RASEF: variants seen among roughly 807,000 people sequenced by gnomAD.
The protein encoded by RASEF is RAS and EF-hand domain containing, also known as ras and EF-hand domain-containing protein.
In RASEF, 68 loss-of-function variants were observed where a neutral mutation model predicts 90.1. The observed-to-expected ratio is 0.75, with a 90% CI of 0.62 to 0.92. The LOEUF is 0.92. Among genes scored for constraint, RASEF ranks in the 40% least tolerant of loss-of-function variants. RASEF has a pLI of 0.00. For missense variants in RASEF, 949 were observed against 937.2 expected, an observed-to-expected ratio of 1.01 and a Z score of -0.16; for synonymous variants, 331 against 345.2, an observed-to-expected ratio of 0.96 and a Z score of 0.46.
At chr9:83,027,773 T>C (rs1346049961) in intron 1 of RASEF, among the ~76,000 whole-genome samples, 1 of 152,198 alleles carries the variant, frequency 6.6e-6, no homozygotes, top group Non-Finnish European at 1.5e-5. Context: ...ATACCCTTTG[T>C]GTCTAGTTAA....
rs777982279 is a variant in RASEF, at chr9:83,062,649, C to T, written c.219G>A (p.Gly73=). The change falls in exon 1 of 17, where the codon GGG becomes GGA. Residue 73 remains glycine, a synonymous_variant. Coordinates refer to ENST00000376447, the MANE Select transcript of RASEF (RefSeq NM_152573.4). ...CCCGGCGCCGCCCCCCGCGGAGGGA[C>T]CCGAGGAAGCCACGCGCGAACTCCT... The part of the protein sequence containing the change: ...TFQEFARGFL[G]SLRGGRRRDW... The T allele has an allele frequency of 3.2e-6, 5 of 1,560,356 alleles. No individual in the cohort carries two copies. The highest frequency in any genetic ancestry group is 3.4e-6 in the Non-Finnish European group (4 of 1,160,170).
the RASEF span, among the ~76,000 whole-genome samples, chr9:83,154,372 C>T: frequency 6.6e-6 from 1 of 152,138 alleles, no homozygotes; most frequent in Non-Finnish European, 1.5e-5. Context: ...AAGTTCAAAC[C>T]TTTCTAGAAC....
At chr9:83,008,350 CT>C (rs1213975858) in intron 6 of RASEF, among the ~76,000 whole-genome samples, 1 of 152,074 alleles carries the variant, frequency 6.6e-6, no homozygotes, top group Non-Finnish European at 1.5e-5. Context: ...AGCTTTTAAA[CT>C]TTTTAATTTT....
At position 83,063,098 on chromosome 9, in the gene RASEF, G is replaced by GT. The variant is rs1346488482; in HGVS notation, c.-232dup. The GT allele has an allele frequency of 2.1e-6, 1 of 475,660 alleles. No individual in the cohort carries two copies. Among genetic ancestry groups the GT allele is most frequent in the Non-Finnish European group, 3.6e-6 (1 of 277,220 alleles). 29.5% of individuals were successfully genotyped at this position (475,660 alleles called of 1,614,324 possible). A position where few individuals can be genotyped will look rare whatever the true frequency, so the allele number is the denominator to read the frequency against. The stretch of plus-strand genomic sequence containing the variant: ...CCCAACAGGTCCCGGGAGCGGTGGG[G>GT]TGCGCCCGGGCTCCAGGCACCGCCA... On this transcript the variant is annotated 5_prime_UTR_variant, in exon 1 of 17. Coordinates refer to ENST00000376447, the MANE Select transcript of RASEF (RefSeq NM_152573.4).
At chr9:83,190,220 T>C in the RASEF span, among the ~76,000 whole-genome samples, 1 of 152,228 alleles carries the variant, frequency 6.6e-6, no homozygotes, top group Admixed American at 6.5e-5. Flanking sequence ...GTATTTAAAA[T>C]TTGTTATCCC....
chr9:83,169,117 C>T, the RASEF span, among the ~76,000 whole-genome samples: 8 of 151,816 alleles, frequency 5.3e-5, no homozygotes, highest in African/African-American at 1.7e-4. Flanking sequence ...TGAGAACAAG[C>T]AATATTTGTC....
chr9:83,190,275 G>A, the RASEF span, among the ~76,000 whole-genome samples: 3 of 152,058 alleles, frequency 2.0e-5, no homozygotes, highest in Non-Finnish European at 4.4e-5. Context: ...TAAGCCGGAT[G>A]GAAAACATGC....
In RASEF at chr9:83,000,503, G is replaced by C. The variant is rs777910876; in HGVS notation, c.1505C>G (p.Pro502Arg). 4 of 1,613,604 alleles carry C rather than the reference G, an allele frequency of 2.5e-6. No individual in the cohort carries two copies. In the African/African-American group the frequency reaches 4.0e-5, roughly 16 times the overall value. ...GCTGCCTTCACTAACAGACCCTTGG[G>C]GCTTCCAGTCTAAGACGGAAGCCAC... ...EDVASVLDWK[P>R]QGSVSEGSIV... The change falls in exon 11 of 17, where the codon CCC becomes CGC. Residue 502 changes from proline to arginine, a missense_variant. Around this residue, in one of 3 missense-constraint regions of RASEF, gnomAD observed 288 missense variants for 328.4 expected, o/e 0.88. Transcript: ENST00000376447.
At chr9:83,070,754 A>AT in the RASEF span, among the ~76,000 whole-genome samples, 2 of 152,168 alleles carry the variant, frequency 1.3e-5, no homozygotes, top group African/African-American at 4.8e-5. Context: ...GAATCTGCCC[A>AT]TCAATGAGAT....
chr9:83,015,996 C>A, intron 3 of RASEF, 96 bp from the exon 4 acceptor site: 1 of 881,994 alleles, frequency 1.1e-6, no homozygotes, highest in Non-Finnish European at 1.8e-6. Context: ...CAAATTAAGG[C>A]TGACTTCAGT....
chr9:82,990,563 C>T, intron 15 of RASEF, 96 bp from the exon 16 acceptor site: 1 of 826,558 alleles, frequency 1.2e-6, no homozygotes, highest in Non-Finnish European at 2.0e-6. Context: ...TATGTTCCTA[C>T]TGAGCATGCT....
the RASEF span, among the ~76,000 whole-genome samples, chr9:83,144,184 G>A: frequency 4.0e-5 from 6 of 151,572 alleles, no homozygotes; most frequent in South Asian, 4.2e-4. Flanking sequence ...TGGGGACAGG[G>A]GAAGGGAGGC....
intron 2 of RASEF, among the ~76,000 whole-genome samples, chr9:83,023,064 A>AT (rs1009177379): frequency 5.9e-5 from 9 of 151,532 alleles, no homozygotes; most frequent in Non-Finnish European, 1.0e-4. Context: ...TAAATTCTGA[A>AT]TTTTTTTTTG....
chr9:83,174,062 C>G, the RASEF span, among the ~76,000 whole-genome samples: 1 of 151,610 alleles, frequency 6.6e-6, no homozygotes, highest in Non-Finnish European at 1.5e-5. Context: ...AAATCCAATA[C>G]TAGATACATA....
At position 83,038,505 on chromosome 9, in the gene RASEF, C is replaced by A. The variant is rs59707822; in HGVS notation, c.432-12584G>T. ...AAATTAAGAATACGACCACATTGAA[C>A]GAAGATGTATTCTTCAGAAAAGTAC... On this transcript the variant is annotated intron_variant, in intron 1 of 16. Coordinates refer to ENST00000376447, the MANE Select transcript of RASEF (RefSeq NM_152573.4). 2.0e-5 allele frequency among the ~76,000 whole-genome samples: 3 copies of A among 151,966 alleles called. 1 individual carries two copies. In the South Asian group the frequency reaches 6.2e-4, roughly 32 times the overall value.
At chr9:83,075,773 A>G in the RASEF span, among the ~76,000 whole-genome samples, 3 of 152,188 alleles carry the variant, frequency 2.0e-5, no homozygotes, top group African/African-American at 7.2e-5. Flanking sequence ...ACATGAAGAG[A>G]TGTTAAAATA....
chr9:83,115,046 C>A, the RASEF span, among the ~76,000 whole-genome samples: 1 of 152,130 alleles, frequency 6.6e-6, no homozygotes, highest in Non-Finnish European at 1.5e-5. Flanking sequence ...ATGTCTCCCC[C>A]AGACACCCAG....
the RASEF span, among the ~76,000 whole-genome samples, chr9:83,089,682 G>T: frequency 6.6e-6 from 1 of 152,074 alleles, no homozygotes; most frequent in South Asian, 2.1e-4. Flanking sequence ...TTTGTTGTTT[G>T]TCTTGTTGGT....
At chr9:83,170,173 T>C in the RASEF span, among the ~76,000 whole-genome samples, 12 of 152,110 alleles carry the variant, frequency 7.9e-5, no homozygotes, top group Admixed American at 2.6e-4. Context: ...GCACCTATTA[T>C]TGAAGAGACT....
Sources: allele counts gnomAD v4.1 joint callset (sites outside exome capture counted in the v4.1 genomes callset), GRCh38; gene constraint gnomAD v4.1.1; regional missense constraint gnomAD v4.1.1; transcripts MANE v1.5; gene names NCBI Gene and HGNC (gene_info 2026-07-23, HGNC 2026-07-21).